DYNC1H1: variants seen among roughly 807,000 people sequenced by gnomAD.
DYNC1H1 encodes dynein cytoplasmic 1 heavy chain 1.
DYNC1H1 carries 51 observed loss-of-function variants against 527.1 expected under a neutral mutation model. The ratio of observed to expected loss-of-function variants is 0.10; its 90% CI spans 0.08 to 0.12. DYNC1H1 has a LOEUF of 0.12. Among genes scored for constraint, DYNC1H1 ranks in the 10% least tolerant of loss-of-function variants. The pLI is 1.00. For synonymous variants in DYNC1H1, 2,189 were observed against 2,278.8 expected (o/e 0.96, Z 1.12); for missense variants, 2,771 against 5,971.8 (o/e 0.46, Z 17.66).
chr14:101,998,740 CT>C (rs1321877994), intron 16 of DYNC1H1, among the ~76,000 whole-genome samples: 1 of 152,098 alleles, frequency 6.6e-6, no homozygotes, highest in African/African-American at 2.4e-5. Flanking sequence ...GCCAGTGCTG[CT>C]GTTACTGCTA....
At chr14:102,047,641 G>GTGTGTGTGTGTA in intron 72 of DYNC1H1, 176 bp from the exon 73 acceptor site, 3 of 316,758 alleles carry the variant, frequency 9.5e-6, no homozygotes, top group Non-Finnish European at 1.1e-5. Context: ...GTGTGTGTGT[G>GTGTGTGTGTGTA]TATATATATA....
In DYNC1H1 at chr14:102,049,698, C is replaced by T. The variant is rs28669726; in HGVS notation, c.13516-16C>T. On this transcript the variant is annotated splice_polypyrimidine_tract_variant and intron_variant, in intron 75 of 77. Coordinates refer to ENST00000360184, the MANE Select transcript of DYNC1H1 (RefSeq NM_001376.5). The surrounding 1 kb of genome is among the most constrained non-coding windows in gnomAD (Gnocchi z 5.5). ...TGACCTGAGCTCCTTCCCCTGGGGG[C>T]TGCTGCTTTCCACAGAACATCCACG... 1.2e-3 allele frequency: 1,904 copies of T among 1,613,892 alleles called. 18 individuals carry two copies. The African/African-American group carries it at 0.021, about 18-fold the overall frequency.
At position 101,986,400 on chromosome 14, in the gene DYNC1H1, T is replaced by C. The variant is rs757752556; in HGVS notation, c.2175T>C (p.Val725=). 2 of 1,614,138 alleles carry C rather than the reference T, an allele frequency of 1.2e-6. No individual in the cohort carries two copies. Among genetic ancestry groups the C allele is most frequent in the Admixed American group, 1.7e-5 (1 of 60,010 alleles). Residue 725 remains valine (V), a synonymous_variant, in exon 8 of 78, where the codon GTT becomes GTC. Transcript: ENST00000360184. The surrounding 1 kb of genome is among the most constrained non-coding windows in gnomAD (Gnocchi z 8.7). ...GRIFTIESTR[V]RGRTGNVLKL... The stretch of plus-strand genomic sequence containing the variant: ...TTTTCACCATCGAAAGTACTCGGGT[T>C]CGGGGCCGAACTGGAAATGTGCTTA...
intron 5 of DYNC1H1, among the ~76,000 whole-genome samples, 164 bp from the exon 6 acceptor site, chr14:101,982,855 C>G (rs2047884520): frequency 6.6e-6 from 1 of 152,272 alleles, no homozygotes. Context: ...TGGAGCGCCA[C>G]TAGGGTTATC....
intron 1 of DYNC1H1, among the ~76,000 whole-genome samples, chr14:101,970,743 A>G (rs1270742226): frequency 6.6e-6 from 1 of 152,104 alleles, no homozygotes; most frequent in Non-Finnish European, 1.5e-5. Flanking sequence ...TCAGCCTCCC[A>G]AAGTGCTGGG....
chr14:102,025,171 C>A (rs2152587909), intron 43 of DYNC1H1, among the ~76,000 whole-genome samples: 1 of 151,880 alleles, frequency 6.6e-6, no homozygotes, highest in East Asian at 2.0e-4. Context: ...CCCCGTCTCG[C>A]CGAGGCAGGT....
At position 101,993,086 on chromosome 14, in the gene DYNC1H1, G is replaced by A. The variant is rs1468721202; in HGVS notation, c.3016-1098G>A. ...CTCCACTTGGCTATCTCGGAGTCGCGTCACACTGAGCACCTCTTGAGCCCT... is the reference window on the plus strand; with the variant it reads ...CTCCACTTGGCTATCTCGGAGTCGCATCACACTGAGCACCTCTTGAGCCCT... On this transcript the variant is annotated intron_variant, in intron 11 of 77. Transcript: ENST00000360184. Among the ~76,000 whole-genome samples the A allele has an allele frequency of 2.0e-5, 3 of 151,538 alleles. No individual in the cohort carries two copies. The South Asian group carries it at 6.3e-4, about 32-fold the overall frequency.
chr14:102,042,933 T>C lies in DYNC1H1; in HGVS notation c.12513+185T>C, dbSNP rs2048669736. 1 of 694,044 alleles carries C rather than the reference T, an allele frequency of 1.4e-6. No homozygotes were observed. Among genetic ancestry groups the C allele is most frequent in the East Asian group, 2.8e-5 (1 of 35,762 alleles). 43.0% of individuals were successfully genotyped at this position (694,044 alleles called of 1,614,324 possible). A position where few individuals can be genotyped will look rare whatever the true frequency, so the allele number is the denominator to read the frequency against. On this transcript the variant is annotated intron_variant, in intron 69 of 77. Transcript: ENST00000360184. The surrounding 1 kb of genome is among the most constrained non-coding windows in gnomAD (Gnocchi z 5.7). ...CGGGCACCGTGGCTCACACTGGTAATCCTAGCACTTTGGAAGGTCGAGGTG... is the reference window on the plus strand; with the variant it reads ...CGGGCACCGTGGCTCACACTGGTAACCCTAGCACTTTGGAAGGTCGAGGTG...
intron 64 of DYNC1H1, 133 bp downstream of exon 64, chr14:102,040,806 AACCTT>A (rs1031235075): frequency 8.9e-7 from 1 of 1,129,124 alleles, no homozygotes; most frequent in African/African-American, 1.5e-5. Context: ...CAAAAAATAA[AACCTT>A]AGCCAGGCGT....
rs961007149 is a variant in DYNC1H1, at chr14:102,036,127, C to CA, written c.10755-362_10755-361insA. The CA allele has an allele frequency of 3.5e-6, 1 of 289,592 alleles. No homozygotes were observed. The highest frequency in any genetic ancestry group is 2.2e-5 in the African/African-American group (1 of 45,808). The allele number at this position is 289,592 out of a possible 1,614,324, so 17.9% of individuals were successfully genotyped here. A position where few individuals can be genotyped will look rare whatever the true frequency, so the allele number is the denominator to read the frequency against. On this transcript the variant is annotated intron_variant, in intron 56 of 77. Coordinates refer to ENST00000360184, the MANE Select transcript of DYNC1H1 (RefSeq NM_001376.5). This position sits in a 1 kb window ranked among gnomAD's most constrained non-coding sequence, Gnocchi z 5.6. ...TCTGTATAATGTTAATCCCTTGCTG[C>CA]TGCGACATCATTGATGTTGATACGT...
chr14:102,026,740 C>G, intron 44 of DYNC1H1, 33 bp downstream of exon 44: 1 of 1,608,810 alleles, frequency 6.2e-7, no homozygotes, highest in Non-Finnish European at 8.5e-7. Flanking sequence ...CCCCACCTCT[C>G]GCCTAAGCTG....
At chr14:101,980,608 C>G (rs2047852516) in intron 5 of DYNC1H1, 58 bp downstream of exon 5, 1 of 1,577,076 alleles carries the variant, frequency 6.3e-7, no homozygotes, top group Non-Finnish European at 8.7e-7. Context: ...TTTACGAGAT[C>G]TTACTTGATA....
In DYNC1H1 at chr14:102,018,685, G is replaced by T. The variant is rs1214222818; in HGVS notation, c.8343+69G>T. The T allele has an allele frequency of 5.7e-6, 9 of 1,579,374 alleles. No homozygotes were observed. In the South Asian group the frequency reaches 7.9e-5, roughly 14 times the overall value. On this transcript the variant is annotated intron_variant, in intron 41 of 77. Transcript: ENST00000360184. This position sits in a 1 kb window ranked among gnomAD's most constrained non-coding sequence, Gnocchi z 5.2. ...ATAATTAAGGCACTCGATTGGTCAGGTGTGGTGGTTCACACCTGTAATCCC... is the reference window on the plus strand; with the variant it reads ...ATAATTAAGGCACTCGATTGGTCAGTTGTGGTGGTTCACACCTGTAATCCC...
At position 101,965,055 on chromosome 14, in the gene DYNC1H1, G is replaced by A. The variant is rs1254848165; in HGVS notation, c.256+108G>A. 3 of 1,238,888 alleles carry A rather than the reference G, an allele frequency of 2.4e-6. No individual in the cohort carries two copies. The highest frequency in any genetic ancestry group is 1.5e-5 in the African/African-American group (1 of 65,180). The allele number at this position is 1,238,888 out of a possible 1,614,324, so 76.7% of individuals were successfully genotyped here. A position where few individuals can be genotyped will look rare whatever the true frequency, so the allele number is the denominator to read the frequency against. ...TCCCCGGGATGGGAGGAGCCCGGCA[G>A]CTGCAGATGACCCCTGGATGGGCAG... On this transcript the variant is annotated intron_variant, in intron 1 of 77. Coordinates refer to ENST00000360184, the MANE Select transcript of DYNC1H1 (RefSeq NM_001376.5). The surrounding 1 kb of genome is among the most constrained non-coding windows in gnomAD (Gnocchi z 4.1).
rs369228374 is a variant in DYNC1H1, at chr14:102,027,557, C to T, written c.9048+13C>T. 2.1e-5 allele frequency: 34 copies of T among 1,614,004 alleles called. No individual in the cohort carries two copies. Among genetic ancestry groups the T allele is most frequent in the Admixed American group, 3.3e-5 (2 of 59,978 alleles). The stretch of plus-strand genomic sequence containing the variant: ...GGCCAATGGAGAGGTAATTAGGTGA[C>T]GTGTTGCGTTGCATTACGTGTTACC... On this transcript the variant is annotated intron_variant, in intron 46 of 77. Transcript: ENST00000360184. This position sits in a 1 kb window ranked among gnomAD's most constrained non-coding sequence, Gnocchi z 7.7.
chr14:102,010,282 C>T lies in DYNC1H1; in HGVS notation c.6228C>T (p.Cys2076=), dbSNP rs201113072. The part of the protein sequence containing the change: ...ANKIVPFFKL[C]DEQLSSQSHY... Reference sequence around the variant, plus strand: ...TTTTTTTCTTCTTTTCTAGACTATGCGATGAGCAGCTCTCTTCCCAAAGCC... The same window carrying T: ...TTTTTTTCTTCTTTTCTAGACTATGTGATGAGCAGCTCTCTTCCCAAAGCC... Residue 2076 remains cysteine (C), a synonymous_variant, in exon 31 of 78, where the codon TGC becomes TGT. Coordinates refer to ENST00000360184, the MANE Select transcript of DYNC1H1 (RefSeq NM_001376.5). This position sits in a 1 kb window ranked among gnomAD's most constrained non-coding sequence, Gnocchi z 6.0. 46 of 1,613,774 alleles carry T rather than the reference C, an allele frequency of 2.9e-5. No individual in the cohort carries two copies. Among genetic ancestry groups the T allele is most frequent in the African/African-American group, 4.0e-5 (3 of 74,882 alleles).
At position 101,986,624 on chromosome 14, in the gene DYNC1H1, C is replaced by G. The variant is rs2047940217; in HGVS notation, c.2399C>G (p.Thr800Ser). The change falls in exon 8 of 78, where the codon ACC becomes AGC. Residue 800 changes from threonine to serine, a missense_variant. By Grantham distance (58) the Thr-to-Ser change is moderately conservative. Transcript: ENST00000360184. This position sits in a 1 kb window ranked among gnomAD's most constrained non-coding sequence, Gnocchi z 8.7. ...TGCGAGAAGGTGGAGGAGCGGAACA[C>G]CATTTCCCTTTTGGTGGCTGGCTTG... ...RTCEKVEERNTISLLVAGLKK... is the reference protein window; with the variant it reads ...RTCEKVEERNSISLLVAGLKK... The G allele has an allele frequency of 6.2e-7, 1 of 1,612,978 alleles. No homozygotes were observed. The highest frequency in any genetic ancestry group is 8.5e-7 in the Non-Finnish European group (1 of 1,179,030).
In DYNC1H1 at chr14:102,042,498, C is replaced by A; in HGVS notation, c.12390C>A (p.Ile4130=). 2 of 1,614,094 alleles carry A rather than the reference C, an allele frequency of 1.2e-6. No homozygotes were observed. The highest frequency in any genetic ancestry group is 1.7e-6 in the Non-Finnish European group (2 of 1,180,028). The stretch of plus-strand genomic sequence containing the variant: ...TCCGACTCTTCCTCACCATGGAGAT[C>A]AACCCCAAGGTGGGTGGTTGAAGGA... The part of the protein sequence containing the change: ...ACFRLFLTME[I]NPKVPVNLLR... The change falls in exon 68 of 78, where the codon ATC becomes ATA. Residue 4130 remains isoleucine, a synonymous_variant. Transcript: ENST00000360184. The surrounding 1 kb of genome is among the most constrained non-coding windows in gnomAD (Gnocchi z 5.7).
rs924840279 is a variant in DYNC1H1 at position 102,042,565 on chromosome 14, C to T, written c.12399+58C>T. 21 of 1,613,558 alleles carry T rather than the reference C, an allele frequency of 1.3e-5. No individual in the cohort carries two copies. The highest frequency in any genetic ancestry group is 1.0e-4 in the Admixed American group (6 of 59,960). Reference sequence around the variant, plus strand: ...CTGGCCTGGCACTGTGCTGTCGGCACGTGTGTGGTGGAATTGAACAGGCGC... The same window carrying T: ...CTGGCCTGGCACTGTGCTGTCGGCATGTGTGTGGTGGAATTGAACAGGCGC... On this transcript the variant is annotated intron_variant, in intron 68 of 77. Coordinates refer to ENST00000360184, the MANE Select transcript of DYNC1H1 (RefSeq NM_001376.5). This position sits in a 1 kb window ranked among gnomAD's most constrained non-coding sequence, Gnocchi z 5.7.
Sources: allele counts gnomAD v4.1 joint callset (sites outside exome capture counted in the v4.1 genomes callset), GRCh38; gene constraint gnomAD v4.1.1; non-coding constraint Gnocchi (gnomAD v3.1); transcripts MANE v1.5; gene names NCBI Gene and HGNC (gene_info 2026-07-23, HGNC 2026-07-21).